The following ITGA8 variants were observed in gnomAD, a reference collection of about 807,000 sequenced individuals.
The protein encoded by ITGA8 is integrin subunit alpha 8, also known as integrin alpha-8.
In ITGA8, 91 loss-of-function variants were observed where a neutral mutation model predicts 142.3. That is an observed-to-expected ratio of 0.64 (90% CI 0.54 to 0.76). The LOEUF (loss-of-function observed/expected upper bound fraction) is 0.76, where lower values mean the gene tolerates loss of function less well. ITGA8 is among the 30% of genes least tolerant of loss of function. ITGA8 has a pLI of 0.00. For synonymous variants in ITGA8, 505 were observed against 485.2 expected, an observed-to-expected ratio of 1.04 and a Z score of -0.54; for missense variants, 1,406 against 1,327.7, an observed-to-expected ratio of 1.06 and a Z score of -0.92.
rs9333148 is a variant in ITGA8, at chr10:15,616,665, C to T, written c.1400-106G>A. 2,488 of 867,112 alleles carry T rather than the reference C, an allele frequency of 2.9e-3. 31 individuals are homozygous for T. In the African/African-American group the frequency reaches 0.033, roughly 11 times the overall value. 53.7% of individuals were successfully genotyped at this position (867,112 alleles called of 1,614,324 possible). A position where few individuals can be genotyped will look rare whatever the true frequency, so the allele number is the denominator to read the frequency against. The stretch of plus-strand genomic sequence containing the variant: ...AGAATACCCCTACATGCTGATGGTA[C>T]GAGAGCCACAAAATTAGAAGAGAAA... On this transcript the variant is annotated intron_variant, in intron 13 of 29. Transcript: ENST00000378076.
In ITGA8 at chr10:15,644,051, T is replaced by C. The variant is rs765207959; in HGVS notation, c.1378A>G (p.Ile460Val). Reference protein sequence around the residue: ...FGFTLRGDSDIDKNDYPDLIV... With the variant: ...FGFTLRGDSDVDKNDYPDLIV... The stretch of plus-strand genomic sequence containing the variant: ...TTACCTGGGTAATCATTCTTGTCTA[T>C]GTCTGAATCTCCTCTTAAAGTAAAG... Residue 460 changes from isoleucine to valine, a missense_variant, in exon 13 of 30, where the codon ATA (isoleucine) becomes GTA (valine). By Grantham distance (29) the Ile-to-Val change is conservative (BLOSUM62 3). Coordinates refer to ENST00000378076, the MANE Select transcript of ITGA8 (RefSeq NM_003638.3). 7 of 1,613,862 alleles carry C rather than the reference T, an allele frequency of 4.3e-6. No individual in the cohort carries two copies. The South Asian group carries it at 6.6e-5, about 15-fold the overall frequency.
chr10:15,680,425 C>A (rs931467351), intron 4 of ITGA8, among the ~76,000 whole-genome samples: 1 of 151,650 alleles, frequency 6.6e-6, no homozygotes, highest in Admixed American at 6.6e-5. Context: ...CTTATTTTAC[C>A]GCTATATTTC....
At chr10:15,625,279 G>C (rs866196303) in intron 13 of ITGA8, among the ~76,000 whole-genome samples, 9 of 152,186 alleles carry the variant, frequency 5.9e-5, no homozygotes, top group Non-Finnish European at 1.2e-4. Flanking sequence ...CAAATGATGA[G>C]TCTGCCTTAT....
intron 23 of ITGA8, among the ~76,000 whole-genome samples, chr10:15,577,270 A>G (rs1834316401): frequency 6.6e-6 from 1 of 152,176 alleles, no homozygotes; most frequent in Non-Finnish European, 1.5e-5. Context: ...CCCTAGGATC[A>G]TAGAATCATA....
chr10:15,532,946 A>C (rs1403043020), intron 27 of ITGA8, among the ~76,000 whole-genome samples: 1 of 152,212 alleles, frequency 6.6e-6, no homozygotes, highest in African/African-American at 2.4e-5. Context: ...GAAACACTAC[A>C]TAATGGTGTG....
At chr10:15,660,327 T>C (rs1350124712) in intron 9 of ITGA8, among the ~76,000 whole-genome samples, 1 of 152,172 alleles carries the variant, frequency 6.6e-6, no homozygotes, top group Non-Finnish European at 1.5e-5. Flanking sequence ...TGTTTTCATT[T>C]TGCACTAGGT....
chr10:15,553,275 T>C (rs1200159607), intron 26 of ITGA8, among the ~76,000 whole-genome samples: 1 of 150,420 alleles, frequency 6.6e-6, no homozygotes, highest in Non-Finnish European at 1.5e-5. Context: ...AAAAATTTAC[T>C]TGAATTACAA....
At chr10:15,578,588 AG>A (rs1401289485) in intron 23 of ITGA8, among the ~76,000 whole-genome samples, 2 of 152,132 alleles carry the variant, frequency 1.3e-5, no homozygotes, top group East Asian at 3.9e-4. Context: ...AGGATTTGGT[AG>A]TGTGCTGTGA....
intron 7 of ITGA8, among the ~76,000 whole-genome samples, chr10:15,671,879 CAAAA>C (rs34588118): frequency 7.5e-5 from 6 of 79,722 alleles, no homozygotes; most frequent in African/African-American, 5.1e-5. Context: ...AGGAGCAAAG[CAAAA>C]AAAAAAAAAA....
At chr10:15,566,462 C>G (rs993497638) in intron 25 of ITGA8, among the ~76,000 whole-genome samples, 2 of 152,162 alleles carry the variant, frequency 1.3e-5, no homozygotes, top group Non-Finnish European at 2.9e-5. Context: ...CACATCTAAG[C>G]CTTTTCCCTC....
At position 15,517,112 on chromosome 10, in the gene ITGA8, G is replaced by T; in HGVS notation, c.*46C>A. Reference sequence around the variant, plus strand: ...ACCCTCATGTTCTTTCTTTTTCTTTGAACAGGACCAGTGTTTGAGGTCTTT... The same window carrying T: ...ACCCTCATGTTCTTTCTTTTTCTTTTAACAGGACCAGTGTTTGAGGTCTTT... On this transcript the variant is annotated 3_prime_UTR_variant, in exon 30 of 30. Transcript: ENST00000378076. The T allele has an allele frequency of 7.2e-7, 1 of 1,381,426 alleles. No homozygotes were observed. The highest frequency in any genetic ancestry group is 1.2e-5 in the South Asian group (1 of 81,770). The allele number at this position is 1,381,426 out of a possible 1,614,324, so 85.6% of individuals were successfully genotyped here.
At chr10:15,673,757 G>C (rs986834247) in intron 6 of ITGA8, among the ~76,000 whole-genome samples, 1 of 151,780 alleles carries the variant, frequency 6.6e-6, no homozygotes, top group Non-Finnish European at 1.5e-5. Flanking sequence ...GGTCCAATGA[G>C]ATCCAAAATT....
At chr10:15,584,477 A>T (rs1832785596) in intron 23 of ITGA8, among the ~76,000 whole-genome samples, 1 of 152,212 alleles carries the variant, frequency 6.6e-6, no homozygotes, top group African/African-American at 2.4e-5. Context: ...CTGGCTCAAA[A>T]ACCAGATCAT....
intron 27 of ITGA8, among the ~76,000 whole-genome samples, chr10:15,544,696 C>T (rs1240276138): frequency 2.0e-5 from 3 of 152,198 alleles, no homozygotes; most frequent in Admixed American, 1.3e-4. Flanking sequence ...GGATTCTTCC[C>T]TCCTGGTATT....
chr10:15,666,937 T>C (rs1834405821), intron 8 of ITGA8, among the ~76,000 whole-genome samples: 1 of 152,198 alleles, frequency 6.6e-6, no homozygotes, highest in Non-Finnish European at 1.5e-5. Context: ...TTATTGAGGA[T>C]TTTTGCATCG....
chr10:15,606,837 T>C (rs1158631439), intron 17 of ITGA8, among the ~76,000 whole-genome samples: 1 of 152,172 alleles, frequency 6.6e-6, no homozygotes, highest in African/African-American at 2.4e-5. Flanking sequence ...GAAGAAAACA[T>C]CTTGATTCTC....
At chr10:15,592,165 T>C (rs1832934395) in intron 22 of ITGA8, 60 bp downstream of exon 22, 1 of 1,275,402 alleles carries the variant, frequency 7.8e-7, no homozygotes, top group South Asian at 1.3e-5. Flanking sequence ...TGACATCATT[T>C]CACTGTGGAT....
intron 18 of ITGA8, among the ~76,000 whole-genome samples, chr10:15,606,003 G>A (rs1833188561): frequency 6.6e-6 from 1 of 152,126 alleles, no homozygotes; most frequent in Admixed American, 6.5e-5. Context: ...TGAAATATCT[G>A]CAAAGAATGC....
intron 3 of ITGA8, among the ~76,000 whole-genome samples, chr10:15,687,300 A>G (rs1834849498): frequency 6.6e-6 from 1 of 152,120 alleles, no homozygotes; most frequent in South Asian, 2.1e-4. Flanking sequence ...ATAGGTTGAA[A>G]AAATCCCCAA....
Sources: gnomAD v4.1 joint callset for allele counts (sites outside exome capture counted in the v4.1 genomes callset) on GRCh38, gnomAD v4.1.1 for gene constraint, MANE v1.5 for transcripts, NCBI Gene and HGNC (gene_info 2026-07-23, HGNC 2026-07-21) for gene names.